Variants in NEK7 observed in about 807,000 individuals in gnomAD.
NEK7 encodes the protein serine/threonine-protein kinase Nek7.
In NEK7, 18 loss-of-function variants were observed where a neutral mutation model predicts 44.6. That is an observed-to-expected ratio of 0.40 (90% CI 0.28 to 0.60). NEK7 has a LOEUF of 0.60. NEK7 is among the 20% of genes least tolerant of loss of function. NEK7 has a pLI of 0.38. For synonymous variants in NEK7, 130 were observed against 121.1 expected (o/e 1.07, Z -0.48); for missense variants, 256 against 366.5 (o/e 0.70, Z 2.46).
chr1:198,253,859 A>G (rs928867444), intron 3 of NEK7, among the ~76,000 whole-genome samples: 1 of 152,104 alleles, frequency 6.6e-6, no homozygotes, highest in African/African-American at 2.4e-5. Context: ...TGAGTGTTTC[A>G]CTTGCCCTAA....
intron 1 of NEK7, among the ~76,000 whole-genome samples, chr1:198,159,214 C>G (rs1034191349): frequency 6.6e-6 from 1 of 152,104 alleles, no homozygotes; most frequent in African/African-American, 2.4e-5. Flanking sequence ...TACTCCAGCC[C>G]TGGGCTCGGA....
chr1:198,171,678 GAAA>G (rs574229281), intron 1 of NEK7, among the ~76,000 whole-genome samples: 2 of 141,464 alleles, frequency 1.4e-5, no homozygotes, highest in African/African-American at 5.2e-5. Context: ...GACTCCGTCT[GAAA>G]AAAAAAAAAA....
At chr1:198,223,072 T>C (rs776708932) in intron 1 of NEK7, among the ~76,000 whole-genome samples, 1 of 152,082 alleles carries the variant, frequency 6.6e-6, no homozygotes, top group Non-Finnish European at 1.5e-5. Context: ...TGAGAGAGAC[T>C]GGGCTGGAAA....
rs371262479 is a variant in NEK7, at chr1:198,256,957, G to A, written c.198+3777G>A. Among the ~76,000 whole-genome samples the A allele has an allele frequency of 4.6e-5, 7 of 152,278 alleles. No individual in the cohort carries two copies. The East Asian group carries it at 7.7e-4, about 17-fold the overall frequency. On this transcript the variant is annotated intron_variant, in intron 3 of 9. Coordinates refer to ENST00000367385, the MANE Select transcript of NEK7 (RefSeq NM_133494.3). The stretch of plus-strand genomic sequence containing the variant: ...AAGTTGGTTTTTATTTCATCAGTCT[G>A]ACATAGTGTTACAGTAGTGTGAATT...
At chr1:198,277,835 A>G (rs746475466) in intron 5 of NEK7, 126 bp from the exon 6 acceptor site, 10 of 608,776 alleles carry the variant, frequency 1.6e-5, no homozygotes, top group Non-Finnish European at 2.9e-5. Context: ...TATAAAGATC[A>G]TATGCTTTTT....
intron 9 of NEK7, among the ~76,000 whole-genome samples, chr1:198,309,892 C>T (rs1051760666): frequency 7.9e-5 from 12 of 152,190 alleles, no homozygotes; most frequent in South Asian, 2.1e-4. Flanking sequence ...TGAATAATGC[C>T]GCAATAAACA....
chr1:198,179,181 T>C (rs1034045498), intron 1 of NEK7, among the ~76,000 whole-genome samples: 1 of 152,100 alleles, frequency 6.6e-6, no homozygotes. Flanking sequence ...CCAATTCTAA[T>C]ATAAGGCCTT....
chr1:198,319,358 A>G (rs1655469967), intron 9 of NEK7, 54 bp from the exon 10 acceptor site: 1 of 1,291,600 alleles, frequency 7.7e-7, no homozygotes, highest in East Asian at 2.3e-5. Context: ...CTCTCAGTAA[A>G]CTAACCAAAA....
chr1:198,212,556 C>T (rs1220030718), intron 1 of NEK7, among the ~76,000 whole-genome samples: 1 of 152,210 alleles, frequency 6.6e-6, no homozygotes, highest in Non-Finnish European at 1.5e-5. Context: ...CCCTCTGATC[C>T]CCACTGGGGC....
intron 7 of NEK7, among the ~76,000 whole-genome samples, chr1:198,283,807 G>C (rs930853860): frequency 1.3e-5 from 2 of 152,140 alleles, no homozygotes; most frequent in Non-Finnish European, 2.9e-5. Context: ...GATATTGTCT[G>C]TTCTATGTTA....
chr1:198,165,151 T>C (rs183994142), intron 1 of NEK7, among the ~76,000 whole-genome samples: 141 of 152,368 alleles, frequency 9.3e-4, no homozygotes, highest in Non-Finnish European at 7.3e-4. Context: ...TTGTAGTGAC[T>C]TCCTTCACTG....
intron 1 of NEK7, among the ~76,000 whole-genome samples, chr1:198,226,267 G>C (rs1666221528): frequency 6.6e-6 from 1 of 152,058 alleles, no homozygotes; most frequent in East Asian, 1.9e-4. Context: ...ACTGAAGTCT[G>C]GGCGTGATGG....
chr1:198,257,823 A>T (rs746212647), intron 3 of NEK7, among the ~76,000 whole-genome samples: 1 of 152,316 alleles, frequency 6.6e-6, no homozygotes, highest in Non-Finnish European at 1.5e-5. Context: ...GAAAATTTCC[A>T]GTTTTATGGA....
rs1652914310 is a variant in NEK7 at position 198,250,654 on chromosome 1, A to G, written c.58-2386A>G. On this transcript the variant is annotated intron_variant, in intron 2 of 9. Coordinates refer to ENST00000367385, the MANE Select transcript of NEK7 (RefSeq NM_133494.3). ...TCTCTTTGAAGCAATTGTGAATGGG[A>G]GTTCACTCATGATTTGGCTCTCTGT... 2.8e-5 allele frequency among the ~76,000 whole-genome samples: 4 copies of G among 141,514 alleles called. No individual in the cohort carries two copies. The South Asian group carries it at 1.1e-3, about 37-fold the overall frequency. 92.8% of individuals were successfully genotyped at this position (141,514 alleles called of 152,430 possible). A position where few individuals can be genotyped will look rare whatever the true frequency, so the allele number is the denominator to read the frequency against.
At chr1:198,318,322 A>T (rs909029429) in intron 9 of NEK7, among the ~76,000 whole-genome samples, 21 of 152,140 alleles carry the variant, frequency 1.4e-4, no homozygotes, top group African/African-American at 4.8e-4. Flanking sequence ...CTGACCCTTC[A>T]TCTGGCAGAC....
chr1:198,187,170 A>C (rs1054581408), intron 1 of NEK7, among the ~76,000 whole-genome samples: 2 of 152,198 alleles, frequency 1.3e-5, no homozygotes, highest in Non-Finnish European at 2.9e-5. Context: ...AGAAGCCTGC[A>C]TGTCCTCTGG....
At chr1:198,187,376 C>G (rs12401744) in intron 1 of NEK7, among the ~76,000 whole-genome samples, 15,089 of 152,150 alleles carry the variant, frequency 0.099, 1,040 homozygotes, top group South Asian at 0.25. Flanking sequence ...ATGAACCACC[C>G]CTGGGCCCTC....
At chr1:198,279,539 GGGCT>G (rs1362094250) in intron 7 of NEK7, among the ~76,000 whole-genome samples, 49 of 151,962 alleles carry the variant, frequency 3.2e-4, no homozygotes, top group South Asian at 2.3e-3. Flanking sequence ...AGGAGTGATA[GGGCT>G]TATCTTAAAA....
rs146112926 is a variant in NEK7, at chr1:198,210,261, T to A, written c.-28-22292T>A. On this transcript the variant is annotated intron_variant, in intron 1 of 9. Coordinates refer to ENST00000367385, the MANE Select transcript of NEK7 (RefSeq NM_133494.3). ...GGCACATGCCACCATGCCCAGCTGT[T>A]TTGTGTGTGTGATGGGGTCTTGCTA... 9.7e-4 allele frequency among the ~76,000 whole-genome samples: 148 copies of A among 152,212 alleles called. 1 individual carries two copies. The highest frequency in any genetic ancestry group is 3.4e-3 in the African/African-American group (143 of 41,532).
Sources: gnomAD v4.1 joint callset for allele counts (sites outside exome capture counted in the v4.1 genomes callset) on GRCh38, gnomAD v4.1.1 for gene constraint, MANE v1.5 for transcripts, NCBI Gene and HGNC (gene_info 2026-07-23, HGNC 2026-07-21) for gene names.